OSTN: variants seen among roughly 807,000 people sequenced by gnomAD.
The protein encoded by OSTN is osteocrin.
OSTN carries 9 observed loss-of-function variants against 12.0 expected under a neutral mutation model. The observed-to-expected ratio is 0.75, with a 90% CI of 0.45 to 1.30. The LOEUF is 1.30. OSTN is among the 50% of genes most tolerant of loss of function. The probability of loss-of-function intolerance (pLI) is 0.00; values close to 1 mark genes in which losing one functional copy is unlikely to be tolerated. For synonymous variants in OSTN, 59 were observed against 56.9 expected (o/e 1.04, Z -0.16); for missense variants, 148 against 152.3 (o/e 0.97, Z 0.15).
intron 1 of OSTN, among the ~76,000 whole-genome samples, chr3:191,205,183 A>G (rs1714239801): frequency 6.6e-6 from 1 of 152,144 alleles, no homozygotes; most frequent in African/African-American, 2.4e-5. Flanking sequence ...ATTAAGATTA[A>G]CTAAAGTTAA....
intron 4 of OSTN, among the ~76,000 whole-genome samples, chr3:191,261,339 C>A (rs563837749): frequency 5.3e-5 from 8 of 152,296 alleles, no homozygotes; most frequent in African/African-American, 1.7e-4. Flanking sequence ...TGTATATTAT[C>A]TTGAGGTTAC....
chr3:191,238,647 A>G (rs930346131), intron 3 of OSTN, among the ~76,000 whole-genome samples: 2 of 152,196 alleles, frequency 1.3e-5, no homozygotes, highest in African/African-American at 2.4e-5. Flanking sequence ...TAGTGATTTG[A>G]GGAGATTCCA....
chr3:191,206,811 C>G (rs747591529), intron 1 of OSTN, among the ~76,000 whole-genome samples: 74 of 152,142 alleles, frequency 4.9e-4, no homozygotes, highest in Admixed American at 9.8e-4. Context: ...AAGCACTGTC[C>G]CTTTTAGGCC....
chr3:191,207,913 A>C (rs1481291316), intron 1 of OSTN, among the ~76,000 whole-genome samples: 1 of 152,222 alleles, frequency 6.6e-6, no homozygotes, highest in Admixed American at 6.5e-5. Context: ...CAATTCTTAC[A>C]TGTGGAAAGT....
chr3:191,221,507 G>T (rs1043068558), intron 3 of OSTN, among the ~76,000 whole-genome samples: 5 of 152,162 alleles, frequency 3.3e-5, no homozygotes, highest in African/African-American at 1.2e-4. Flanking sequence ...AGGTGGAGAT[G>T]AGGAACTTGT....
At chr3:191,228,102 A>C (rs1216018490) in intron 3 of OSTN, among the ~76,000 whole-genome samples, 1 of 152,168 alleles carries the variant, frequency 6.6e-6, no homozygotes, top group Non-Finnish European at 1.5e-5. Context: ...ATGGTTTGTA[A>C]TTGATGATCT....
intron 2 of OSTN, among the ~76,000 whole-genome samples, chr3:191,216,618 T>A (rs1159607888): frequency 6.6e-6 from 1 of 152,208 alleles, no homozygotes; most frequent in Non-Finnish European, 1.5e-5. Context: ...GCTTAGAAAT[T>A]TCTTCTGCCA....
At chr3:191,201,472 A>T (rs756929830) in intron 1 of OSTN, among the ~76,000 whole-genome samples, 15 of 152,164 alleles carry the variant, frequency 9.9e-5, no homozygotes, top group Non-Finnish European at 1.9e-4. Flanking sequence ...CCACTTTTAA[A>T]ATATTATATA....
chr3:191,249,908 G>C (rs757419429), intron 3 of OSTN, 129 bp from the exon 4 acceptor site: 6 of 666,472 alleles, frequency 9.0e-6, no homozygotes, highest in Non-Finnish European at 1.6e-5. Flanking sequence ...GTGAGTACTG[G>C]TGAGTGGGAA....
Position 191,250,105 on chromosome 3 carries a change from CA to C in OSTN, c.389del (p.Asn130IlefsTer6). ...PMDRIGRNRL[S>X]NSRG ...GATCGGATTGGTAGAAACCGGCTTT[CA>C]AATTCCAGAGGCTAATTGATTCCAA... On this transcript the variant is annotated frameshift_variant, in exon 4 of 5. Coordinates refer to ENST00000682035, the MANE Select transcript of OSTN (RefSeq NM_198184.2). LOFTEE classifies it high-confidence loss of function. 6.2e-7 allele frequency: 1 copy of C among 1,612,384 alleles called. No homozygotes were observed. The highest frequency in any genetic ancestry group is 8.5e-7 in the Non-Finnish European group (1 of 1,178,452).
intron 3 of OSTN, chr3:191,229,863 G>C (rs1715004634): frequency 6.6e-6 from 1 of 151,970 alleles, no homozygotes. Flanking sequence ...TCAGGAGTTC[G>C]AGACCAGCCT....
At chr3:191,234,185 C>A (rs1209088702) in intron 3 of OSTN, among the ~76,000 whole-genome samples, 1 of 152,018 alleles carries the variant, frequency 6.6e-6, no homozygotes, top group Admixed American at 6.6e-5. Context: ...GTCAGTAAAG[C>A]AAGAAATGCT....
intron 3 of OSTN, among the ~76,000 whole-genome samples, chr3:191,226,495 GCA>G (rs1405944178): frequency 6.6e-6 from 1 of 152,084 alleles, no homozygotes; most frequent in African/African-American, 2.4e-5. Flanking sequence ...AGACGCAAAA[GCA>G]CAAACATATC....
intron 4 of OSTN, among the ~76,000 whole-genome samples, chr3:191,260,358 C>T (rs895207578): frequency 2.0e-5 from 3 of 151,892 alleles, no homozygotes; most frequent in South Asian, 2.1e-4. Context: ...AGGGCATAGA[C>T]AAAAACAATG....
chr3:191,253,884 T>C (rs1473210548), intron 4 of OSTN, among the ~76,000 whole-genome samples: 1 of 152,268 alleles, frequency 6.6e-6, no homozygotes, highest in East Asian at 1.9e-4. Context: ...AAATACTTTT[T>C]ATTTACTTCA....
chr3:191,201,350 T>A (rs1714148753), intron 1 of OSTN, among the ~76,000 whole-genome samples: 1 of 152,172 alleles, frequency 6.6e-6, no homozygotes, highest in Non-Finnish European at 1.5e-5. Context: ...GAGCCTCACT[T>A]TCTCCATCTA....
intron 3 of OSTN, among the ~76,000 whole-genome samples, chr3:191,232,644 A>G (rs1199793028): frequency 2.8e-5 from 4 of 143,264 alleles, no homozygotes; most frequent in South Asian, 4.4e-4. Flanking sequence ...CTTGTTGCCC[A>G]GGCTGGAGTG....
intron 1 of OSTN, among the ~76,000 whole-genome samples, chr3:191,205,158 T>G (rs1714239374): frequency 6.6e-6 from 1 of 152,158 alleles, no homozygotes; most frequent in South Asian, 2.1e-4. Context: ...ATTCCATAAT[T>G]TGTGCTGTTT....
intron 2 of OSTN, among the ~76,000 whole-genome samples, chr3:191,214,065 CT>C: frequency 6.6e-6 from 1 of 152,100 alleles, no homozygotes; most frequent in East Asian, 1.9e-4. Context: ...TTGTAATTTT[CT>C]TTTTATATGA....
Sources: gnomAD v4.1 joint callset for allele counts (sites outside exome capture counted in the v4.1 genomes callset) on GRCh38, gnomAD v4.1.1 for gene constraint, MANE v1.5 for transcripts, NCBI Gene and HGNC (gene_info 2026-07-23, HGNC 2026-07-21) for gene names.